Variants in UCHL3 observed in about 807,000 individuals in gnomAD.
UCHL3 encodes ubiquitin C-terminal hydrolase L3.
In UCHL3, 22 loss-of-function variants were observed where a neutral mutation model predicts 35.8. The observed-to-expected ratio is 0.61, with a 90% CI of 0.44 to 0.88. The LOEUF is 0.88. Among genes scored for constraint, UCHL3 ranks in the 40% least tolerant of loss-of-function variants. The probability of loss-of-function intolerance (pLI) is 0.00; values close to 1 mark genes in which losing one functional copy is unlikely to be tolerated. For synonymous variants in UCHL3, 90 were observed against 92.8 expected, an observed-to-expected ratio of 0.97 and a Z score of 0.17; for missense variants, 229 against 276.9, an observed-to-expected ratio of 0.83 and a Z score of 1.23.
chr13:75,600,966 AGTTGGTTCC>A (rs2032769056), intron 7 of UCHL3, among the ~76,000 whole-genome samples: 1 of 152,230 alleles, frequency 6.6e-6, no homozygotes, highest in Non-Finnish European at 1.5e-5. Flanking sequence ...GTTTGGAATA[AGTTGGTTCC>A]AATCCTCATG....
At chr13:75,591,514 A>G (rs976368121) in intron 6 of UCHL3, among the ~76,000 whole-genome samples, 2 of 152,156 alleles carry the variant, frequency 1.3e-5, no homozygotes, top group African/African-American at 4.8e-5. Flanking sequence ...TTCTACTTAA[A>G]AATGTTCCAA....
rs1566228185 is a variant in UCHL3, at chr13:75,592,452, A to ATATATATATATG, written c.475-2452_475-2451insGTATATATATAT. ...TATATATATATATATATATATATAT[A>ATATATATATATG]TATATATATATATATGAAGGAAAAA... On this transcript the variant is annotated intron_variant, in intron 6 of 8. Coordinates refer to ENST00000377595, the MANE Select transcript of UCHL3 (RefSeq NM_006002.5). 4.1e-4 allele frequency among the ~76,000 whole-genome samples: 47 copies of ATATATATATATG among 114,832 alleles called. 1 individual carries two copies. The highest frequency in any genetic ancestry group is 1.4e-3 in the African/African-American group (44 of 31,304). The allele number at this position is 114,832 out of a possible 152,430, so 75.3% of individuals were successfully genotyped here. A position where few individuals can be genotyped will look rare whatever the true frequency, so the allele number is the denominator to read the frequency against.
intron 6 of UCHL3, among the ~76,000 whole-genome samples, chr13:75,588,297 A>T (rs12872149): frequency 0.51 from 77,705 of 151,766 alleles, 20,095 homozygotes; most frequent in East Asian, 0.63. Context: ...ATTCTTAGAA[A>T]TTTTTTTCTC....
chr13:75,573,788 G>T (rs1191092507), intron 6 of UCHL3, among the ~76,000 whole-genome samples: 1 of 152,172 alleles, frequency 6.6e-6, no homozygotes, highest in African/African-American at 2.4e-5. Flanking sequence ...GGGCTTCAAC[G>T]TATGAATTTG....
At chr13:75,581,142 A>G (rs954503723) in intron 6 of UCHL3, among the ~76,000 whole-genome samples, 24 of 151,730 alleles carry the variant, frequency 1.6e-4, no homozygotes, top group African/African-American at 5.8e-4. Context: ...AGAAAACAGT[A>G]ATTATTTTAA....
Position 75,579,539 on chromosome 13 carries a change from G to A in UCHL3, c.474+10032G>A, listed in dbSNP as rs548540944. Among the ~76,000 whole-genome samples the A allele has an allele frequency of 2.4e-4, 37 of 151,228 alleles. No individual in the cohort carries two copies. In the South Asian group the frequency reaches 6.3e-3, roughly 26 times the overall value. On this transcript the variant is annotated intron_variant, in intron 6 of 8. Coordinates refer to ENST00000377595, the MANE Select transcript of UCHL3 (RefSeq NM_006002.5). ...TCCCTTTCCCCTTTTCTCTCCCTCC[G>A]TCTGTCTTCCCTTCTTTTTTTCCTC...
In UCHL3 at chr13:75,595,464, G is replaced by A. The variant is rs2032619229; in HGVS notation, c.550+474G>A. Reference sequence around the variant, plus strand: ...AATGCAAAATTAGCCCGGCGTGGTGGCACATGCCTGTAATCCCAGCTACTT... The same window carrying A: ...AATGCAAAATTAGCCCGGCGTGGTGACACATGCCTGTAATCCCAGCTACTT... On this transcript the variant is annotated intron_variant, in intron 7 of 8. Coordinates refer to ENST00000377595, the MANE Select transcript of UCHL3 (RefSeq NM_006002.5). 3.9e-5 allele frequency among the ~76,000 whole-genome samples: 6 copies of A among 151,950 alleles called. No homozygotes were observed. The South Asian group carries it at 1.2e-3, about 32-fold the overall frequency.
At chr13:75,596,380 T>C (rs1287204442) in intron 7 of UCHL3, among the ~76,000 whole-genome samples, 2 of 152,122 alleles carry the variant, frequency 1.3e-5, no homozygotes, top group Non-Finnish European at 2.9e-5. Flanking sequence ...CCTTGCTAAT[T>C]GAGTCTACAA....
chr13:75,574,363 A>T (rs964560810), intron 6 of UCHL3, among the ~76,000 whole-genome samples: 3 of 151,822 alleles, frequency 2.0e-5, no homozygotes, highest in African/African-American at 4.8e-5. Flanking sequence ...TTCCTTGTGT[A>T]TATTTGTTTA....
At chr13:75,560,456 C>T (rs953754588) in intron 2 of UCHL3, among the ~76,000 whole-genome samples, 1 of 152,160 alleles carries the variant, frequency 6.6e-6, no homozygotes, top group African/African-American at 2.4e-5. Context: ...ATTGCTATCT[C>T]TTCTCACCCT....
intron 6 of UCHL3, chr13:75,590,175 G>T (rs750645171): frequency 3.2e-5 from 37 of 1,152,598 alleles, no homozygotes; most frequent in East Asian, 2.7e-4. Context: ...GACAAGGGCT[G>T]TCTTTTTTTT....
chr13:75,584,700 T>G (rs891496800), intron 6 of UCHL3, among the ~76,000 whole-genome samples: 4 of 151,962 alleles, frequency 2.6e-5, no homozygotes, highest in African/African-American at 9.7e-5. Flanking sequence ...AATGCTCAAG[T>G]GGAAAAGATG....
At chr13:75,565,933 C>T (rs8192746) in intron 3 of UCHL3, among the ~76,000 whole-genome samples, 70,880 of 151,944 alleles carry the variant, frequency 0.47, 17,441 homozygotes, top group East Asian at 0.63. Context: ...CTATAGAGCC[C>T]ACATTTTTGA....
rs117326779 is a variant in UCHL3, at chr13:75,555,122, G to A, written c.54+5135G>A. On this transcript the variant is annotated intron_variant, in intron 2 of 8. Coordinates refer to ENST00000377595, the MANE Select transcript of UCHL3 (RefSeq NM_006002.5). ...CCGCTCATGCTGTGCTGCAGTCTTC[G>A]AATGTGGAGTCTGTTCCTGCTTCAG... 4.3e-3 allele frequency among the ~76,000 whole-genome samples: 656 copies of A among 152,236 alleles called. 4 individuals carry two copies. Among genetic ancestry groups the A allele is most frequent in the Middle Eastern group, 6.8e-3 (2 of 294 alleles).
At chr13:75,560,925 T>C in intron 3 of UCHL3, 44 bp downstream of exon 3, 1 of 1,478,406 alleles carries the variant, frequency 6.8e-7, no homozygotes. Context: ...AATACAATTT[T>C]TGTTTTATTC....
intron 7 of UCHL3, among the ~76,000 whole-genome samples, chr13:75,595,420 A>G (rs551598863): frequency 4.6e-5 from 7 of 151,734 alleles, no homozygotes; most frequent in Non-Finnish European, 8.8e-5. Flanking sequence ...CAACATGGAG[A>G]AACCCCATCT....
chr13:75,567,194 C>A, intron 4 of UCHL3, 33 bp from the exon 5 acceptor site: 1 of 1,589,460 alleles, frequency 6.3e-7, no homozygotes, highest in East Asian at 2.2e-5. Context: ...CTGTATCAAG[C>A]CTTTTTAATT....
At chr13:75,578,220 A>G (rs977788897) in intron 6 of UCHL3, among the ~76,000 whole-genome samples, 2 of 146,350 alleles carry the variant, frequency 1.4e-5, no homozygotes, top group Non-Finnish European at 3.1e-5. Context: ...TTGCTACTGT[A>G]TACTATCATG....
intron 6 of UCHL3, 39 bp from the exon 7 acceptor site, chr13:75,594,876 A>G (rs748441164): frequency 1.2e-5 from 17 of 1,475,212 alleles, no homozygotes; most frequent in Non-Finnish European, 1.6e-5. Flanking sequence ...TTGTTTGACT[A>G]CTAATGTATA....
Sources: gnomAD v4.1 joint callset for allele counts (sites outside exome capture counted in the v4.1 genomes callset) on GRCh38, gnomAD v4.1.1 for gene constraint, MANE v1.5 for transcripts, NCBI Gene and HGNC (gene_info 2026-07-23, HGNC 2026-07-21) for gene names.